The following STAG1 variants were observed in gnomAD, a reference collection of about 807,000 sequenced individuals.
The protein encoded by STAG1 is cohesin subunit SA-1.
A neutral mutation model predicts 170.9 loss-of-function variants in STAG1; 26 were observed. That is an observed-to-expected ratio of 0.15 (90% CI 0.11 to 0.21). The LOEUF is 0.21. STAG1 is among the 10% of genes least tolerant of loss of function. The pLI is 1.00. For synonymous variants in STAG1, 514 were observed against 497.7 expected (o/e 1.03, Z -0.44); for missense variants, 964 against 1,509.5 (o/e 0.64, Z 5.99).
At chr3:136,476,061 T>C (rs1269426582) in intron 10 of STAG1, among the ~76,000 whole-genome samples, 1 of 152,222 alleles carries the variant, frequency 6.6e-6, no homozygotes. Context: ...AGTGAGAATC[T>C]TGAACTCCCC....
intron 1 of STAG1, among the ~76,000 whole-genome samples, chr3:136,718,800 G>GC (rs1933025134): frequency 6.6e-6 from 1 of 151,958 alleles, no homozygotes; most frequent in Non-Finnish European, 1.5e-5. Flanking sequence ...GGTGGGGGGG[G>GC]CCTGTAATCC....
rs370629035 is a variant in STAG1, at chr3:136,704,296, C to G, written c.-84+47899G>C. 3.3e-5 allele frequency among the ~76,000 whole-genome samples: 5 copies of G among 151,804 alleles called. No homozygotes were observed. The East Asian group carries it at 6.0e-4, about 18-fold the overall frequency. ...GAACCCCTGACCTCAGGTGATCCGC[C>G]TGACTTGGCCTCCCAAAGTACTGGG... On this transcript the variant is annotated intron_variant, in intron 1 of 33. Transcript: ENST00000383202.
intron 1 of STAG1, among the ~76,000 whole-genome samples, chr3:136,643,924 C>T (rs2107848950): frequency 6.6e-6 from 1 of 152,212 alleles, no homozygotes; most frequent in South Asian, 2.1e-4. Flanking sequence ...TTATGTGATT[C>T]GTAAACAATA....
chr3:136,421,965 T>C (rs560500974), intron 19 of STAG1, among the ~76,000 whole-genome samples: 2 of 152,038 alleles, frequency 1.3e-5, no homozygotes, highest in South Asian at 2.1e-4. Context: ...CTGGTCAATA[T>C]GGTGAAAACC....
intron 1 of STAG1, among the ~76,000 whole-genome samples, chr3:136,658,019 C>G (rs1451529936): frequency 1.3e-5 from 2 of 152,052 alleles, no homozygotes; most frequent in Non-Finnish European, 2.9e-5. Context: ...CACCTGCACA[C>G]TATCATTTAA....
intron 6 of STAG1, among the ~76,000 whole-genome samples, chr3:136,523,421 C>T (rs13081421): frequency 4.1e-5 from 5 of 122,394 alleles, no homozygotes; most frequent in Non-Finnish European, 7.2e-5. Context: ...GGGTTGTTTT[C>T]TTTCTTGTAA....
chr3:136,570,291 T>C (rs1937221703), intron 4 of STAG1, among the ~76,000 whole-genome samples: 1 of 152,236 alleles, frequency 6.6e-6, no homozygotes, highest in Non-Finnish European at 1.5e-5. Context: ...TTGAAACTCA[T>C]ATAAATGATA....
intron 20 of STAG1, among the ~76,000 whole-genome samples, chr3:136,419,090 C>T (rs999522731): frequency 6.6e-6 from 1 of 152,102 alleles, no homozygotes; most frequent in Admixed American, 6.6e-5. Flanking sequence ...TGCATTATAG[C>T]TATTTACTTG....
chr3:136,583,326 A>AT (rs1937636418), intron 4 of STAG1, among the ~76,000 whole-genome samples: 1 of 152,190 alleles, frequency 6.6e-6, no homozygotes, highest in African/African-American at 2.4e-5. Context: ...ACTCAATATA[A>AT]TATCTATAAA....
chr3:136,575,360 G>C (rs1299974653), intron 4 of STAG1, among the ~76,000 whole-genome samples: 1 of 152,142 alleles, frequency 6.6e-6, no homozygotes, highest in Non-Finnish European at 1.5e-5. Context: ...AAGTAGCTGG[G>C]AACAGAGGCA....
intron 28 of STAG1, among the ~76,000 whole-genome samples, chr3:136,349,604 G>A (rs1430857149): frequency 6.6e-6 from 1 of 151,916 alleles, no homozygotes; most frequent in Non-Finnish European, 1.5e-5. Flanking sequence ...ATGTATGTAC[G>A]GTCTTTCCTA....
At chr3:136,516,835 T>C (rs928185086) in intron 7 of STAG1, among the ~76,000 whole-genome samples, 1 of 152,216 alleles carries the variant, frequency 6.6e-6, no homozygotes, top group African/African-American at 2.4e-5. Flanking sequence ...AGACCAGTTA[T>C]GTTAAGGACT....
rs181499384 is a variant in STAG1, at chr3:136,527,326, G to A, written c.472-5909C>T. 1.7e-3 allele frequency among the ~76,000 whole-genome samples: 259 copies of A among 151,930 alleles called. No homozygotes were observed. In the South Asian group the frequency reaches 0.026, roughly 15 times the overall value. ...CTTTTTTCTCCAAACTTCCTTTCTCGCTTCATTTCATTCATTTGATCTTCA... is the reference window on the plus strand; with the variant it reads ...CTTTTTTCTCCAAACTTCCTTTCTCACTTCATTTCATTCATTTGATCTTCA... On this transcript the variant is annotated intron_variant, in intron 6 of 33. Transcript: ENST00000383202.
At chr3:136,637,224 CAG>C (rs762752953) in intron 1 of STAG1, among the ~76,000 whole-genome samples, 27 of 152,126 alleles carry the variant, frequency 1.8e-4, no homozygotes, top group Non-Finnish European at 3.1e-4. Flanking sequence ...GCCTGTGAGA[CAG>C]ATTTTGTAGC....
intron 15 of STAG1, among the ~76,000 whole-genome samples, chr3:136,441,152 C>T (rs560844810): frequency 4.9e-4 from 75 of 151,986 alleles, no homozygotes; most frequent in Non-Finnish European, 3.2e-4. Flanking sequence ...CCTGCCTCAG[C>T]CTCCCGAGTA....
chr3:136,620,188 A>C (rs1375855295), intron 3 of STAG1, among the ~76,000 whole-genome samples: 1 of 152,022 alleles, frequency 6.6e-6, no homozygotes, highest in Non-Finnish European at 1.5e-5. Context: ...CCAAAGATAC[A>C]AGAAATGCCT....
chr3:136,409,899 C>T (rs2087578287), intron 21 of STAG1, among the ~76,000 whole-genome samples: 4 of 151,490 alleles, frequency 2.6e-5, no homozygotes, highest in Admixed American at 6.6e-5. Context: ...GGCAACATAG[C>T]GAGACCCCAT....
At chr3:136,551,058 A>G (rs1482635293) in intron 5 of STAG1, among the ~76,000 whole-genome samples, 1 of 152,010 alleles carries the variant, frequency 6.6e-6, no homozygotes, top group East Asian at 1.9e-4. Flanking sequence ...CTCCTTCCAC[A>G]CTGTACTCCT....
At chr3:136,572,601 CAAAAAAAAAAA>C (rs11379268) in intron 4 of STAG1, among the ~76,000 whole-genome samples, 2 of 66,700 alleles carry the variant, frequency 3.0e-5, no homozygotes, top group African/African-American at 6.0e-5. Flanking sequence ...AAGACTGTCT[CAAAAAAAAAAA>C]AAAAAAAAAA....
Sources: allele counts gnomAD v4.1 joint callset (sites outside exome capture counted in the v4.1 genomes callset), GRCh38; gene constraint gnomAD v4.1.1; transcripts MANE v1.5; gene names NCBI Gene and HGNC (gene_info 2026-07-23, HGNC 2026-07-21).